CELF2: variants seen among roughly 807,000 people sequenced by gnomAD.
CELF2 encodes the protein CUGBP Elav-like family member 2, also known as CUG triplet repeat RNA-binding protein 2.
Under a neutral mutation model 62.6 loss-of-function variants are expected in CELF2, and 8 were observed. That is an observed-to-expected ratio of 0.13 (90% CI 0.07 to 0.23). The LOEUF is 0.23. Ranked by LOEUF, CELF2 falls within the 10% of genes least tolerant of loss-of-function variation. The pLI is 1.00. For missense variants in CELF2, 333 were observed against 671.0 expected, an observed-to-expected ratio of 0.50 and a Z score of 5.56; for synonymous variants, 258 against 250.0, an observed-to-expected ratio of 1.03 and a Z score of -0.30.
chr10:10,495,741 T>C, the CELF2 span, among the ~76,000 whole-genome samples: 1 of 152,196 alleles, frequency 6.6e-6, no homozygotes, highest in South Asian at 2.1e-4. Context: ...CAATGGACCG[T>C]GCCCAGGGAG....
intron 3 of CELF2, among the ~76,000 whole-genome samples, chr10:11,225,200 T>A (rs746486241): frequency 1.2e-4 from 19 of 152,134 alleles, no homozygotes; most frequent in Non-Finnish European, 2.5e-4. Context: ...CAGTAAACGG[T>A]GCGTGTGGAG....
the CELF2 span, among the ~76,000 whole-genome samples, chr10:10,643,463 T>C: frequency 4.5e-3 from 681 of 152,322 alleles, 7 homozygotes; most frequent in African/African-American, 0.016. Flanking sequence ...ACCATGATTG[T>C]GAGGCCTCCC....
At chr10:10,551,423 T>C in the CELF2 span, among the ~76,000 whole-genome samples, 1 of 152,152 alleles carries the variant, frequency 6.6e-6, no homozygotes, top group Non-Finnish European at 1.5e-5. Flanking sequence ...ATGGCTCTGC[T>C]GGGAGCCTTT....
At chr10:10,466,264 T>C in the CELF2 span, among the ~76,000 whole-genome samples, 68 of 151,988 alleles carry the variant, frequency 4.5e-4, no homozygotes, top group African/African-American at 1.5e-3. Flanking sequence ...ATTCTGTCAC[T>C]ATAGATTAAT....
chr10:10,723,340 C>A, the CELF2 span, among the ~76,000 whole-genome samples: 1 of 152,266 alleles, frequency 6.6e-6, no homozygotes, highest in Non-Finnish European at 1.5e-5. Context: ...TGAACTGTTT[C>A]TAAGCAATGT....
intron 1 of CELF2, among the ~76,000 whole-genome samples, chr10:11,121,122 G>GACT (rs1314663527): frequency 2.0e-4 from 31 of 152,184 alleles, no homozygotes; most frequent in African/African-American, 7.0e-4. Context: ...TACACAATTG[G>GACT]ACTTTTCAAC....
the CELF2 span, among the ~76,000 whole-genome samples, chr10:10,698,360 C>T: frequency 4.6e-5 from 7 of 152,280 alleles, no homozygotes; most frequent in Admixed American, 2.0e-4. Context: ...CGCTTTGATT[C>T]CTTCATCTGG....
the CELF2 span, among the ~76,000 whole-genome samples, chr10:10,581,004 C>T: frequency 6.6e-6 from 1 of 152,146 alleles, no homozygotes; most frequent in African/African-American, 2.4e-5. Flanking sequence ...CTATTTGGAT[C>T]ACAATTCCAC....
chr10:10,863,501 C>T (rs1241473686), intron 1 of CELF2, among the ~76,000 whole-genome samples: 1 of 152,136 alleles, frequency 6.6e-6, no homozygotes, highest in Non-Finnish European at 1.5e-5. Context: ...TCTCTCTAAA[C>T]CTTGGTTGTC....
chr10:11,128,485 G>T (rs1322233383), intron 1 of CELF2, among the ~76,000 whole-genome samples: 2 of 152,096 alleles, frequency 1.3e-5, no homozygotes, highest in Non-Finnish European at 2.9e-5. Flanking sequence ...CCATTTTCAC[G>T]ATATTGATTC....
chr10:11,292,726 G>A (rs1038749485), intron 9 of CELF2, among the ~76,000 whole-genome samples: 1 of 152,112 alleles, frequency 6.6e-6, no homozygotes, highest in African/African-American at 2.4e-5. Context: ...CCTCAGAGTC[G>A]AGAATTAAAC....
intron 2 of CELF2, among the ~76,000 whole-genome samples, chr10:11,182,581 G>A (rs1461786501): frequency 1.3e-5 from 2 of 152,170 alleles, no homozygotes; most frequent in Non-Finnish European, 2.9e-5. Context: ...TATTTTTGGG[G>A]ATCAGAGAAG....
chr10:10,903,613 A>G (rs1202806257), intron 1 of CELF2, among the ~76,000 whole-genome samples: 3 of 152,252 alleles, frequency 2.0e-5, no homozygotes, highest in Admixed American at 1.3e-4. Context: ...CAGGAATCCA[A>G]CTACATACTA....
chr10:10,772,081 G>A, the CELF2 span, among the ~76,000 whole-genome samples: 1 of 151,838 alleles, frequency 6.6e-6, no homozygotes, highest in Middle Eastern at 3.4e-3. Context: ...TGTGCCTATT[G>A]TACAGAAAGA....
chr10:11,010,382 G>A lies in CELF2; in HGVS notation c.53+4942G>A, dbSNP rs975155017. 3.9e-5 allele frequency among the ~76,000 whole-genome samples: 6 copies of A among 152,138 alleles called. No individual in the cohort carries two copies. The highest frequency in any genetic ancestry group is 1.9e-4 in the East Asian group (1 of 5,194). ...AAACCTCAGTGCTAAAAGAACAATC[G>A]AATCAGTACTGGCCTTCTCTCTTCC... is the stretch of plus-strand genomic sequence containing the variant. On this transcript the variant is annotated intron_variant, in intron 1 of 12. Coordinates refer to the CELF2 transcript ENST00000416382. This position sits in a 1 kb window ranked among gnomAD's most constrained non-coding sequence, Gnocchi z 4.1.
chr10:10,666,679 G>A, the CELF2 span, among the ~76,000 whole-genome samples: 2 of 83,282 alleles, frequency 2.4e-5, no homozygotes, highest in Non-Finnish European at 4.7e-5. Context: ...TGGCTAACAC[G>A]GTGAAACCCC....
intron 1 of CELF2, among the ~76,000 whole-genome samples, chr10:11,048,222 A>C (rs2063217714): frequency 6.6e-6 from 1 of 152,258 alleles, no homozygotes; most frequent in South Asian, 2.1e-4. Context: ...ACACTGTCAA[A>C]GGAAAGAGGG....
At chr10:10,548,236 C>A in the CELF2 span, among the ~76,000 whole-genome samples, 1 of 152,216 alleles carries the variant, frequency 6.6e-6, no homozygotes, top group Non-Finnish European at 1.5e-5. Flanking sequence ...CCCAGCTCTA[C>A]CAATCCTAAA....
chr10:11,322,770 T>C (rs1167369867), intron 11 of CELF2, among the ~76,000 whole-genome samples: 2 of 152,228 alleles, frequency 1.3e-5, no homozygotes, highest in Admixed American at 6.5e-5. Flanking sequence ...TTGACTATTA[T>C]GGTAGGCTTT....
Sources: gnomAD v4.1 joint callset for allele counts (sites outside exome capture counted in the v4.1 genomes callset) on GRCh38, gnomAD v4.1.1 for gene constraint, Gnocchi (gnomAD v3.1) non-coding constraint, MANE v1.5 for transcripts, NCBI Gene and HGNC (gene_info 2026-07-23, HGNC 2026-07-21) for gene names.